Variants in TJP3 observed in about 807,000 individuals in gnomAD.
The protein encoded by TJP3 is tight junction protein 3, also known as tight junction protein ZO-3.
TJP3 carries 85 observed loss-of-function variants against 104.2 expected under a neutral mutation model. The observed-to-expected ratio is 0.82, with a 90% CI of 0.68 to 0.98. TJP3 has a LOEUF of 0.98. Among genes scored for constraint, TJP3 ranks in the 50% least tolerant of loss-of-function variants. The pLI is 0.00. For missense variants in TJP3, 1,367 were observed against 1,322.8 expected (o/e 1.03, Z -0.52); for synonymous variants, 550 against 550.6 (o/e 1.00, Z 0.02).
intron 1 of TJP3, among the ~76,000 whole-genome samples, chr19:3,719,040 C>A (rs1266223729): frequency 6.6e-6 from 1 of 151,606 alleles, no homozygotes; most frequent in Non-Finnish European, 1.5e-5. Flanking sequence ...AAAAATTAGC[C>A]ACGCGTGGTG....
At chr19:3,726,498 C>T (rs900298273) in intron 1 of TJP3, among the ~76,000 whole-genome samples, 2 of 152,080 alleles carry the variant, frequency 1.3e-5, no homozygotes, top group Non-Finnish European at 2.9e-5. Flanking sequence ...ACTTGGGAGG[C>T]TGAGGCAGGA....
chr19:3,749,154 CA>C (rs1207706003), intron 19 of TJP3, among the ~76,000 whole-genome samples: 1 of 151,956 alleles, frequency 6.6e-6, no homozygotes, highest in African/African-American at 2.4e-5. Flanking sequence ...AGGCGTGAGC[CA>C]CCGCACCTGG....
chr19:3,715,599 C>G (rs2036470272), intron 1 of TJP3, among the ~76,000 whole-genome samples: 1 of 152,008 alleles, frequency 6.6e-6, no homozygotes. Flanking sequence ...GTGCAGTTAT[C>G]CAGCTTCCTC....
At position 3,740,638 on chromosome 19, in the gene TJP3, A is replaced by C. The variant is rs1242143498; in HGVS notation, c.1718A>C (p.Glu573Ala). Residue 573 changes from glutamate (E) to alanine (A), a missense_variant, in exon 14 of 21, where the codon GAG becomes GCG. Transcript: ENST00000541714. Reference sequence around the variant, plus strand: ...TCCGCGGGCTCCAATGCTCGGGCCGAGTTCTGGCGGCTGCGGGGTCTTCGT... The same window carrying C: ...TCCGCGGGCTCCAATGCTCGGGCCGCGTTCTGGCGGCTGCGGGGTCTTCGT... ...GSSAGSNARA[E>A]FWRLRGLRRG... 1.3e-6 allele frequency: 2 copies of C among 1,599,164 alleles called. No individual in the cohort carries two copies. The highest frequency in any genetic ancestry group is 2.3e-5 in the East Asian group (1 of 44,322).
chr19:3,728,746 G>A lies in TJP3; in HGVS notation c.158+33G>A, dbSNP rs529009576. ...TCCAGGCAGCTGGGTTCTGGCGGGG[G>A]AGGGCACGTGGAGAGGAGAAACCAG... On this transcript the variant is annotated intron_variant, in intron 3 of 20. Transcript: ENST00000541714. 3.1e-6 allele frequency: 5 copies of A among 1,606,400 alleles called. No homozygotes were observed. In the South Asian group the frequency reaches 5.6e-5, roughly 18 times the overall value.
chr19:3,748,359 C>T (rs2036935956), intron 19 of TJP3, among the ~76,000 whole-genome samples: 1 of 151,156 alleles, frequency 6.6e-6, no homozygotes, highest in Non-Finnish European at 1.5e-5. Context: ...GCAACCTCCA[C>T]CTCCCAGGTT....
At chr19:3,733,005 TTTCTC>T (rs1288715265) in intron 6 of TJP3, among the ~76,000 whole-genome samples, 1 of 147,414 alleles carries the variant, frequency 6.8e-6, no homozygotes, top group Admixed American at 7.2e-5. Context: ...ACTGTTTTCT[TTTCTC>T]TTTTCTTTTC....
At chr19:3,734,260 C>T (rs1245653788) in intron 7 of TJP3, 67 bp from the exon 8 acceptor site, 8 of 1,513,724 alleles carry the variant, frequency 5.3e-6, no homozygotes, top group Non-Finnish European at 7.3e-6. Context: ...TTGATATACC[C>T]CTCTGTAAAA....
In TJP3 at chr19:3,730,182, G is replaced by T; in HGVS notation, c.261+52G>T. On this transcript the variant is annotated intron_variant, in intron 4 of 20. Coordinates refer to ENST00000541714, the MANE Select transcript of TJP3 (RefSeq NM_001267560.2). This position sits in a 1 kb window ranked among gnomAD's most constrained non-coding sequence, Gnocchi z 7.3. The stretch of plus-strand genomic sequence containing the variant: ...AGCATCTCTGACCCCAGCCTGGGTC[G>T]TGCCGCTGTGGGGGTTGTAAGCTTC... The T allele has an allele frequency of 6.4e-7, 1 of 1,574,734 alleles. No homozygotes were observed. Among genetic ancestry groups the T allele is most frequent in the South Asian group, 1.1e-5 (1 of 90,340 alleles).
chr19:3,729,827 G>T (rs572633825), intron 3 of TJP3, among the ~76,000 whole-genome samples: 1 of 151,794 alleles, frequency 6.6e-6, no homozygotes, highest in South Asian at 2.1e-4. Context: ...ATTATAGTAG[G>T]TTCTACAATT....
rs1337475617 is a variant in TJP3, at chr19:3,740,764, G to A, written c.1843+1G>A. The A allele has an allele frequency of 1.9e-6, 3 of 1,564,622 alleles. No individual in the cohort carries two copies. Among genetic ancestry groups the A allele is most frequent in the Non-Finnish European group, 2.6e-6 (3 of 1,156,324 alleles). ...TACGAACGAGTGGTGTTGCGAGAAG[G>A]TGGGGCCCGGAGCTGGAGGGGCCCT... On this transcript the variant is annotated splice_donor_variant, in intron 14 of 20. Coordinates refer to ENST00000541714, the MANE Select transcript of TJP3 (RefSeq NM_001267560.2). LOFTEE classifies it high-confidence loss of function.
intron 7 of TJP3, among the ~76,000 whole-genome samples, 173 bp downstream of exon 7, chr19:3,734,085 T>C (rs1447848606): frequency 6.6e-6 from 1 of 152,112 alleles, no homozygotes; most frequent in Non-Finnish European, 1.5e-5. Context: ...CGATCTCGGC[T>C]CACTGGGTTC....
chr19:3,746,529 C>A lies in TJP3; in HGVS notation c.2055C>A (p.Arg685=). Reference sequence around the variant, plus strand: ...ATGTGACCCCCTCCGCCATCGAGCGCCTCAACTATGTGCAGTACTACCCCA... The same window carrying A: ...ATGTGACCCCCTCCGCCATCGAGCGACTCAACTATGTGCAGTACTACCCCA... The part of the protein sequence containing the change: ...LLDVTPSAIE[R]LNYVQYYPIV... The change falls in exon 17 of 21, where the codon CGC becomes CGA. Residue 685 remains arginine, a synonymous_variant. Coordinates refer to ENST00000541714, the MANE Select transcript of TJP3 (RefSeq NM_001267560.2). The surrounding 1 kb of genome is among the most constrained non-coding windows in gnomAD (Gnocchi z 4.1). The A allele has an allele frequency of 6.2e-7, 1 of 1,614,078 alleles. No homozygotes were observed. Among genetic ancestry groups the A allele is most frequent in the Non-Finnish European group, 8.5e-7 (1 of 1,180,022 alleles).
rs761159986 is a variant in TJP3, at chr19:3,750,098, T to TG, written c.2611-34dup. On this transcript the variant is annotated intron_variant, in intron 19 of 20. Coordinates refer to ENST00000541714, the MANE Select transcript of TJP3 (RefSeq NM_001267560.2). ...TTATTGATCTCGACTCACCATGCTC[T>TG]GGGGGGAGTTTTGAAGCTCCTCTCT... 3.1e-5 allele frequency: 50 copies of TG among 1,613,702 alleles called. No homozygotes were observed. The African/African-American group carries it at 6.5e-4, about 21-fold the overall frequency.
intron 11 of TJP3, among the ~76,000 whole-genome samples, chr19:3,736,733 C>A (rs578202289): frequency 6.6e-5 from 10 of 151,922 alleles, no homozygotes; most frequent in Non-Finnish European, 1.5e-4. Flanking sequence ...CACCACCACG[C>A]CCGGCTAATT....
chr19:3,742,668 C>A, intron 14 of TJP3, among the ~76,000 whole-genome samples: 1 of 138,128 alleles, frequency 7.2e-6, no homozygotes, highest in Non-Finnish European at 1.6e-5. Flanking sequence ...CACGGCCAGG[C>A]GTGGTGGCTC....
At chr19:3,724,905 G>A (rs1391978009) in intron 1 of TJP3, among the ~76,000 whole-genome samples, 3 of 152,022 alleles carry the variant, frequency 2.0e-5, no homozygotes. Flanking sequence ...ATGCAGTTTT[G>A]AAAAATAAGC....
At chr19:3,737,679 T>C (rs1260915011) in intron 11 of TJP3, among the ~76,000 whole-genome samples, 2 of 152,194 alleles carry the variant, frequency 1.3e-5, no homozygotes, top group African/African-American at 4.8e-5. Flanking sequence ...TGAGTTGTGA[T>C]TCATGATGGA....
At chr19:3,710,681 T>C (rs1191411212) in intron 1 of TJP3, among the ~76,000 whole-genome samples, 1 of 149,734 alleles carries the variant, frequency 6.7e-6, no homozygotes, top group East Asian at 2.0e-4. Context: ...GGGGGAGGGG[T>C]CGCCCAGGGA....
Sources: gnomAD v4.1 joint callset for allele counts (sites outside exome capture counted in the v4.1 genomes callset) on GRCh38, gnomAD v4.1.1 for gene constraint, Gnocchi (gnomAD v3.1) non-coding constraint, MANE v1.5 for transcripts, NCBI Gene and HGNC (gene_info 2026-07-23, HGNC 2026-07-21) for gene names.